Variants in LYSET observed in about 807,000 individuals in gnomAD.
LYSET encodes the protein GNPTAB cleavage and activity factor.
chr14:93,188,080 TC>T, the LYSET span, among the ~76,000 whole-genome samples: 1 of 152,034 alleles, frequency 6.6e-6, no homozygotes, highest in East Asian at 1.9e-4. Flanking sequence ...TGCCTCAGAC[TC>T]CCGAGTAGCT....
chr14:93,185,682 G>A, the LYSET span, among the ~76,000 whole-genome samples: 1 of 152,136 alleles, frequency 6.6e-6, no homozygotes, highest in Non-Finnish European at 1.5e-5. Flanking sequence ...GATTTATTCT[G>A]AGGGATTCCC....
the LYSET span, among the ~76,000 whole-genome samples, chr14:93,188,262 G>A: frequency 7.2e-5 from 11 of 152,172 alleles, no homozygotes; most frequent in African/African-American, 1.2e-4. Flanking sequence ...GCCTATAGCA[G>A]GTAATTTAGT....
chr14:93,186,504 G>A, the LYSET span: 12 of 1,614,016 alleles, frequency 7.4e-6, no homozygotes, highest in Non-Finnish European at 1.0e-5. Context: ...TATTTTTCTG[G>A]TACCTTACTT....
the LYSET span, chr14:93,185,593 T>C: frequency 1.1e-6 from 1 of 915,090 alleles, no homozygotes; most frequent in Non-Finnish European, 1.7e-6. Context: ...CCTGTCAAAG[T>C]GAAATGTGCT....
chr14:93,186,521 G>A, the LYSET span: 1 of 1,614,202 alleles, frequency 6.2e-7, no homozygotes, highest in Non-Finnish European at 8.5e-7. Flanking sequence ...ACTTACAGAT[G>A]TTTTTGTTCC....
chr14:93,185,647 T>C, the LYSET span, among the ~76,000 whole-genome samples: 25,663 of 152,122 alleles, frequency 0.17, 2,373 homozygotes, highest in South Asian at 0.24. Flanking sequence ...GCGGGTATTA[T>C]GGACCTGTTT....
the LYSET span, chr14:93,185,290 C>G: frequency 5.0e-6 from 5 of 993,402 alleles, no homozygotes; most frequent in East Asian, 1.4e-4. Flanking sequence ...CCGCGCGTGA[C>G]CCGCCGCAGT....
At chr14:93,185,276 C>T in the LYSET span, 5 of 815,200 alleles carry the variant, frequency 6.1e-6, no homozygotes, top group Non-Finnish European at 7.5e-6. Context: ...CGACGGGGGC[C>T]GGGCCGCGCG....
the LYSET span, chr14:93,186,316 G>A: frequency 6.2e-7 from 1 of 1,614,090 alleles, no homozygotes; most frequent in Non-Finnish European, 8.5e-7. Context: ...ATTGGAGTGG[G>A]ATTGTATCTG....
the LYSET span, chr14:93,186,503 G>A: frequency 6.2e-7 from 1 of 1,614,138 alleles, no homozygotes; most frequent in Non-Finnish European, 8.5e-7. Flanking sequence ...TTATTTTTCT[G>A]GTACCTTACT....
At chr14:93,186,885 A>G in the LYSET span, 1 of 481,106 alleles carries the variant, frequency 2.1e-6, no homozygotes, top group Non-Finnish European at 3.7e-6. Context: ...TGATGACTTC[A>G]GATTTTGGAA....
chr14:93,185,177 G>A, the LYSET span: 1 of 190,490 alleles, frequency 5.2e-6, no homozygotes, highest in Non-Finnish European at 1.1e-5. Flanking sequence ...CTGCAGCGCG[G>A]CAGGGGGCGG....
chr14:93,185,409 C>G, the LYSET span: 2 of 1,612,092 alleles, frequency 1.2e-6, no homozygotes, highest in Non-Finnish European at 1.7e-6. Flanking sequence ...CTCTGAAATG[C>G]CAAAGCCACC....
At chr14:93,186,567 G>A in the LYSET span, 5 of 1,614,160 alleles carry the variant, frequency 3.1e-6, no homozygotes, top group Non-Finnish European at 4.2e-6. Context: ...CAAAACAGTG[G>A]GCTACTGTAT....
the LYSET span, among the ~76,000 whole-genome samples, chr14:93,187,797 C>T: frequency 6.6e-6 from 1 of 151,728 alleles, no homozygotes; most frequent in African/African-American, 2.4e-5. Context: ...TACAGGTGAC[C>T]ACCACCATGC....
the LYSET span, chr14:93,186,331 C>T: frequency 5.6e-6 from 9 of 1,614,006 alleles, no homozygotes; most frequent in Non-Finnish European, 5.1e-6. Flanking sequence ...TATCTGTTAG[C>T]CAGTGCAGCA....
chr14:93,186,692 C>A, the LYSET span: 2 of 1,565,608 alleles, frequency 1.3e-6, no homozygotes, highest in South Asian at 1.2e-5. Context: ...CGTTTTTTCC[C>A]TACGATTACA....
the LYSET span, chr14:93,185,167 C>G: frequency 5.8e-6 from 1 of 172,984 alleles, no homozygotes; most frequent in Non-Finnish European, 1.2e-5. Flanking sequence ...CGTGCCGGCG[C>G]TGCAGCGCGG....
the LYSET span, chr14:93,186,711 A>C: frequency 6.5e-7 from 1 of 1,549,672 alleles, no homozygotes; most frequent in South Asian, 1.3e-5. Flanking sequence ...CAAAACTGCC[A>C]GTCCTATATG....
Sources: allele counts gnomAD v4.1 joint callset (sites outside exome capture counted in the v4.1 genomes callset), GRCh38; gene constraint gnomAD v4.1.1; transcripts MANE v1.5; gene names NCBI Gene and HGNC (gene_info 2026-07-23, HGNC 2026-07-21).